Variants in BCAR3 observed in about 807,000 individuals in gnomAD.
The protein encoded by BCAR3 is BCAR3 adaptor protein, NSP family member.
Under a neutral mutation model 80.1 loss-of-function variants are expected in BCAR3, and 37 were observed. That is an observed-to-expected ratio of 0.46 (90% CI 0.36 to 0.61). BCAR3 has a LOEUF of 0.61. BCAR3 is among the 20% of genes least tolerant of loss of function. BCAR3 has a pLI of 0.00. For missense variants in BCAR3, 978 were observed against 1,068.2 expected, an observed-to-expected ratio of 0.92 and a Z score of 1.18; for synonymous variants, 389 against 418.9, an observed-to-expected ratio of 0.93 and a Z score of 0.87.
intron 2 of BCAR3, among the ~76,000 whole-genome samples, chr1:93,726,708 A>G (rs1482097943): frequency 6.6e-6 from 1 of 152,220 alleles, no homozygotes; most frequent in Admixed American, 6.5e-5. Context: ...CTTAGAGTGC[A>G]TAAAGTCGTG....
chr1:93,726,722 C>T (rs1327176409), intron 2 of BCAR3, among the ~76,000 whole-genome samples: 1 of 152,126 alleles, frequency 6.6e-6, no homozygotes, highest in Non-Finnish European at 1.5e-5. Flanking sequence ...AGTCGTGGTT[C>T]ATCGTATCAC....
At chr1:93,685,357 G>A (rs1648939044), upstream of BCAR3, among the ~76,000 whole-genome samples, 1 of 151,496 alleles carries the variant, frequency 6.6e-6, no homozygotes, top group Non-Finnish European at 1.5e-5. Context: ...GTTTCTATGT[G>A]TGTGTGTGTG....
In BCAR3 at chr1:93,746,898, C is replaced by T. The variant is rs936022776; in HGVS notation, c.-62-40756G>A. ...AGTCCTGCTCAAAGCCCTCTCTTCC[C>T]AAGGCTTCTGCAACACTCCTACTCT... On this transcript the variant is annotated intron_variant, in intron 2 of 13. Transcript: ENST00000370244. Among the ~76,000 whole-genome samples, 4 of 152,162 alleles carry T rather than the reference C, an allele frequency of 2.6e-5. No homozygotes were observed. The East Asian group carries it at 7.7e-4, about 29-fold the overall frequency.
At chr1:93,798,568 A>G (rs909061774) in intron 2 of BCAR3, among the ~76,000 whole-genome samples, 1 of 152,218 alleles carries the variant, frequency 6.6e-6, no homozygotes, top group Non-Finnish European at 1.5e-5. Flanking sequence ...GAGCTGCACC[A>G]AAAGTGTAAT....
chr1:93,817,028 G>A (rs1654045496), intron 2 of BCAR3, among the ~76,000 whole-genome samples: 1 of 152,158 alleles, frequency 6.6e-6, no homozygotes, highest in African/African-American at 2.4e-5. Flanking sequence ...GAGCTTGGGA[G>A]GGCAATAACT....
rs1651016215 is a variant in BCAR3 at position 93,737,474 on chromosome 1, C to T, written c.-62-31332G>A. 1.3e-5 allele frequency among the ~76,000 whole-genome samples: 2 copies of T among 152,130 alleles called. 1 individual carries two copies. Among genetic ancestry groups the T allele is most frequent in the Non-Finnish European group, 2.9e-5 (2 of 68,036 alleles). The stretch of plus-strand genomic sequence containing the variant: ...AACAGAGGCAGAGCCTGGAGTGATG[C>T]AGCTACAAGCCAAGGAATGTCGGGG... On this transcript the variant is annotated intron_variant, in intron 2 of 13. Transcript: ENST00000370244.
chr1:93,798,490 G>A (rs539054709), intron 2 of BCAR3, among the ~76,000 whole-genome samples: 34 of 152,118 alleles, frequency 2.2e-4, no homozygotes, highest in Non-Finnish European at 2.6e-4. Context: ...AAACTTGAGA[G>A]CCATGTTTAA....
chr1:93,697,667 TG>T (rs1432733542), intron 3 of BCAR3, among the ~76,000 whole-genome samples: 1 of 152,186 alleles, frequency 6.6e-6, no homozygotes, highest in African/African-American at 2.4e-5. Context: ...AGCCCTGGAA[TG>T]GGTCACAAGC....
At chr1:93,564,290 CTTTTTTT>C (rs35780346) in intron 11 of BCAR3, among the ~76,000 whole-genome samples, 2 of 103,730 alleles carry the variant, frequency 1.9e-5, no homozygotes, top group East Asian at 2.7e-4. Flanking sequence ...TTCTTTCTTT[CTTTTTTT>C]TTTTTTTTTT....
At chr1:93,716,949 T>G (rs1055324389) in intron 2 of BCAR3, among the ~76,000 whole-genome samples, 1 of 152,210 alleles carries the variant, frequency 6.6e-6, no homozygotes. Flanking sequence ...AGATACAGAC[T>G]GAGGCCACAA....
intron 2 of BCAR3, among the ~76,000 whole-genome samples, chr1:93,760,608 T>TAAA (rs11365595): frequency 0.076 from 11,380 of 149,354 alleles, 541 homozygotes; most frequent in East Asian, 0.19. Context: ...TAAATTAGCT[T>TAAA]AAAAAAAAAA....
At chr1:93,674,387 C>G (rs1022916114) in intron 2 of BCAR3, among the ~76,000 whole-genome samples, 2 of 152,134 alleles carry the variant, frequency 1.3e-5, no homozygotes, top group Non-Finnish European at 2.9e-5. Context: ...TCCTGAGTAG[C>G]TGGGATTACA....
At chr1:93,846,598 C>G (rs1571169493) in intron 1 of BCAR3, among the ~76,000 whole-genome samples, 1 of 152,110 alleles carries the variant, frequency 6.6e-6, no homozygotes, top group Admixed American at 6.5e-5. Context: ...GGCCCGCTGC[C>G]GTCCCCACCG....
At chr1:93,698,989 T>C (rs1649534707) in intron 3 of BCAR3, among the ~76,000 whole-genome samples, 1 of 152,130 alleles carries the variant, frequency 6.6e-6, no homozygotes, top group African/African-American at 2.4e-5. Flanking sequence ...GACAGGCAAG[T>C]GGAGCACCCT....
At chr1:93,623,130 G>A (rs560663837) in intron 3 of BCAR3, among the ~76,000 whole-genome samples, 3 of 152,276 alleles carry the variant, frequency 2.0e-5, no homozygotes, top group East Asian at 1.9e-4. Context: ...TGGGTATCCA[G>A]TACATAAACC....
At chr1:93,676,693 C>T (rs746296418) in intron 1 of BCAR3, among the ~76,000 whole-genome samples, 4 of 152,162 alleles carry the variant, frequency 2.6e-5, no homozygotes, top group East Asian at 1.9e-4. Context: ...TGACGTAAAC[C>T]GACTAGGATT....
intron 2 of BCAR3, among the ~76,000 whole-genome samples, chr1:93,832,535 C>T (rs1228918737): frequency 6.6e-6 from 1 of 152,200 alleles, no homozygotes; most frequent in Non-Finnish European, 1.5e-5. Context: ...TGAAGACTGA[C>T]ACTGCCCAAT....
At chr1:93,649,931 T>C (rs1256326716) in intron 2 of BCAR3, among the ~76,000 whole-genome samples, 1 of 151,550 alleles carries the variant, frequency 6.6e-6, no homozygotes, top group African/African-American at 2.4e-5. Flanking sequence ...CCACTGATTA[T>C]CTAGAAAGGT....
intron 11 of BCAR3, among the ~76,000 whole-genome samples, chr1:93,566,954 C>G (rs2101798778): frequency 6.6e-6 from 1 of 152,272 alleles, no homozygotes; most frequent in South Asian, 2.1e-4. Context: ...TCTTGAACTC[C>G]TGACTTCAAG....
Sources: allele counts gnomAD v4.1 joint callset (sites outside exome capture counted in the v4.1 genomes callset), GRCh38; gene constraint gnomAD v4.1.1; transcripts MANE v1.5; gene names NCBI Gene and HGNC (gene_info 2026-07-23, HGNC 2026-07-21).